Variants in ADAMTS17 observed in about 807,000 individuals in gnomAD.
ADAMTS17 encodes the protein A disintegrin and metalloproteinase with thrombospondin motifs 17.
ADAMTS17 carries 113 observed loss-of-function variants against 141.5 expected under a neutral mutation model. That is an observed-to-expected ratio of 0.80 (90% CI 0.69 to 0.93). ADAMTS17 has a LOEUF of 0.93. Among genes scored for constraint, ADAMTS17 ranks in the 40% least tolerant of loss-of-function variants. The pLI is 0.00. For synonymous variants in ADAMTS17, 768 were observed against 630.6 expected (o/e 1.22, Z -3.27); for missense variants, 1,659 against 1,517.9 (o/e 1.09, Z -1.54).
At position 99,974,529 on chromosome 15, in the gene ADAMTS17, C is replaced by G; in HGVS notation, c.3161G>C (p.Trp1054Ser). Residue 1054 changes from tryptophan to serine, a missense_variant, in exon 22 of 22, where the codon TGG becomes TCG. Transcript: ENST00000268070. ...TCGGATGACCCGGCAATATACCGTCCACTGGTCTCGTGTGCATTTGTAGGT... is the reference window on the plus strand; with the variant it reads ...TCGGATGACCCGGCAATATACCGTCGACTGGTCTCGTGTGCATTTGTAGGT... ...ALTYKCTRDQWTVYCRVIREK... is the reference protein window; with the variant it reads ...ALTYKCTRDQSTVYCRVIREK... The G allele has an allele frequency of 6.2e-7, 1 of 1,614,260 alleles. No individual in the cohort carries two copies. Among genetic ancestry groups the G allele is most frequent in the Non-Finnish European group, 8.5e-7 (1 of 1,180,054 alleles).
chr15:99,978,601 T>G (rs2060417103), intron 20 of ADAMTS17: 1 of 152,230 alleles, frequency 6.6e-6, no homozygotes. Flanking sequence ...GGAGTCGGCA[T>G]CAGGCGCATG....
At chr15:100,094,243 G>C (rs543360834) in intron 15 of ADAMTS17, among the ~76,000 whole-genome samples, 2 of 152,372 alleles carry the variant, frequency 1.3e-5, no homozygotes, top group South Asian at 4.1e-4. Flanking sequence ...ACACACACTA[G>C]GCTGCAAGCC....
chr15:100,093,043 C>T (rs2035562980), intron 15 of ADAMTS17, among the ~76,000 whole-genome samples: 2 of 152,206 alleles, frequency 1.3e-5, no homozygotes, highest in Admixed American at 1.3e-4. Context: ...TGAAGCCCAT[C>T]CATCAGAAAA....
chr15:100,193,950 G>A (rs1216123642), intron 8 of ADAMTS17, among the ~76,000 whole-genome samples: 3 of 152,228 alleles, frequency 2.0e-5, no homozygotes, highest in Non-Finnish European at 2.9e-5. Flanking sequence ...GAGACCTCCC[G>A]TGGTTTGGGC....
intron 7 of ADAMTS17, among the ~76,000 whole-genome samples, chr15:100,253,050 T>C (rs1429779712): frequency 1.3e-5 from 2 of 152,104 alleles, no homozygotes; most frequent in African/African-American, 4.8e-5. Flanking sequence ...TTTCAACATG[T>C]GAATTTCATA....
chr15:100,007,549 T>C (rs1346717332), intron 18 of ADAMTS17, among the ~76,000 whole-genome samples: 1 of 151,996 alleles, frequency 6.6e-6, no homozygotes, highest in Non-Finnish European at 1.5e-5. Context: ...GCCTCCCTGG[T>C]TGGAAGACTC....
rs148040738 is a variant in ADAMTS17 at position 100,065,990 on chromosome 15, T to C, written c.2138-11936A>G. On this transcript the variant is annotated intron_variant, in intron 15 of 21. Transcript: ENST00000268070. ...AACATGCGGTGTTTGGTTTTCTGTTTTTGTGTTAGTTTGCTGAAAATGATG... is the reference window on the plus strand; with the variant it reads ...AACATGCGGTGTTTGGTTTTCTGTTCTTGTGTTAGTTTGCTGAAAATGATG... Among the ~76,000 whole-genome samples the C allele has an allele frequency of 2.0e-3, 300 of 152,304 alleles. 1 individual carries two copies. The highest frequency in any genetic ancestry group is 0.017 in the East Asian group (86 of 5,182).
chr15:99,986,927 G>A (rs1343258694), intron 20 of ADAMTS17, among the ~76,000 whole-genome samples: 1 of 152,208 alleles, frequency 6.6e-6, no homozygotes, highest in Non-Finnish European at 1.5e-5. Flanking sequence ...AGTGATAGGA[G>A]TGCCCTAGGC....
intron 12 of ADAMTS17, among the ~76,000 whole-genome samples, chr15:100,123,365 A>C (rs2037550931): frequency 6.6e-6 from 1 of 152,184 alleles, no homozygotes; most frequent in African/African-American, 2.4e-5. Context: ...AGTTAATATA[A>C]GAGATTCGTG....
At chr15:100,010,720 T>C (rs960669593) in intron 18 of ADAMTS17, among the ~76,000 whole-genome samples, 7 of 152,218 alleles carry the variant, frequency 4.6e-5, no homozygotes, top group African/African-American at 1.7e-4. Flanking sequence ...TGAAGACCTG[T>C]GGCTGCTTTT....
chr15:100,306,166 CTACA>C (rs2045217702), intron 3 of ADAMTS17: 4 of 265,304 alleles, frequency 1.5e-5, no homozygotes, highest in Non-Finnish European at 1.5e-5. Flanking sequence ...TGTCACCTAC[CTACA>C]GTTATAGAGG....
At chr15:100,311,437 G>GCCC (rs1275379285) in intron 3 of ADAMTS17, among the ~76,000 whole-genome samples, 1 of 152,202 alleles carries the variant, frequency 6.6e-6, no homozygotes, top group East Asian at 1.9e-4. Context: ...CACCTGGACA[G>GCCC]CCCCAGCCAG....
At chr15:100,206,434 T>C (rs1014868953) in intron 7 of ADAMTS17, among the ~76,000 whole-genome samples, 2 of 152,194 alleles carry the variant, frequency 1.3e-5, no homozygotes, top group Non-Finnish European at 2.9e-5. Context: ...CCCTGGTGAA[T>C]TTTGAAAACT....
In ADAMTS17 at chr15:100,008,026, G is replaced by A. The variant is rs189067192; in HGVS notation, c.2592-10437C>T. On this transcript the variant is annotated intron_variant, in intron 18 of 21. Transcript: ENST00000268070. ...AAGGGACTGCACCTGTAGTGCTGGG[G>A]CCTGAAAGGCATCTTTGGATTTGGC... Among the ~76,000 whole-genome samples the A allele has an allele frequency of 1.4e-3, 220 of 152,244 alleles. 2 individuals carry two copies. In the South Asian group the frequency reaches 0.033, roughly 23 times the overall value.
At chr15:100,136,851 T>C (rs559614996) in intron 10 of ADAMTS17, among the ~76,000 whole-genome samples, 1 of 152,294 alleles carries the variant, frequency 6.6e-6, no homozygotes, top group African/African-American at 2.4e-5. Flanking sequence ...ATAAAGTCAC[T>C]GGGTTTCAGA....
intron 18 of ADAMTS17, among the ~76,000 whole-genome samples, chr15:100,042,888 C>T (rs1044178410): frequency 6.6e-6 from 1 of 152,080 alleles, no homozygotes; most frequent in Admixed American, 6.5e-5. Context: ...TAACTGAAAC[C>T]ACAGAAAGTG....
chr15:100,090,443 C>T (rs1198127438), intron 15 of ADAMTS17, among the ~76,000 whole-genome samples: 2 of 152,208 alleles, frequency 1.3e-5, no homozygotes, highest in Non-Finnish European at 2.9e-5. Context: ...CTGATCAATT[C>T]CTTTCCCTCA....
Position 99,974,233 on chromosome 15 carries a change from T to C in ADAMTS17, c.*169A>G, listed in dbSNP as rs2060271325. ...AAAGCCAGCCAGTGGCTGTTAACAA[T>C]ATATTAAGTACGGAAGCACTAATGG... On this transcript the variant is annotated 3_prime_UTR_variant, in exon 22 of 22. Coordinates refer to ENST00000268070, the MANE Select transcript of ADAMTS17 (RefSeq NM_139057.4). The C allele has an allele frequency of 2.6e-6, 2 of 778,986 alleles. No individual in the cohort carries two copies. The highest frequency in any genetic ancestry group is 1.7e-5 in the South Asian group (1 of 60,374). 48.3% of individuals were successfully genotyped at this position (778,986 alleles called of 1,614,324 possible).
chr15:100,193,152 G>T (rs1043185664), intron 8 of ADAMTS17, among the ~76,000 whole-genome samples: 2 of 152,236 alleles, frequency 1.3e-5, no homozygotes, highest in African/African-American at 2.4e-5. Flanking sequence ...CTGTCCCTCT[G>T]CTGCTCGCTC....
Sources: allele counts gnomAD v4.1 joint callset (sites outside exome capture counted in the v4.1 genomes callset), GRCh38; gene constraint gnomAD v4.1.1; transcripts MANE v1.5; gene names NCBI Gene and HGNC (gene_info 2026-07-23, HGNC 2026-07-21).